The following REV3L variants were observed in gnomAD, a reference collection of about 807,000 sequenced individuals.
REV3L encodes the protein REV3 like, DNA directed polymerase zeta catalytic subunit.
In REV3L, 69 loss-of-function variants were observed where a neutral mutation model predicts 299.4. That is an observed-to-expected ratio of 0.23 (90% CI 0.19 to 0.28). The LOEUF is 0.28. REV3L is among the 10% of genes least tolerant of loss of function. The probability of loss-of-function intolerance (pLI) is 1.00; values close to 1 mark genes in which losing one functional copy is unlikely to be tolerated. For synonymous variants in REV3L, 1,238 were observed against 1,271.4 expected (o/e 0.97, Z 0.56); for missense variants, 3,128 against 3,693.8 (o/e 0.85, Z 3.97).
At chr6:111,324,736 C>T (rs965497329) in intron 25 of REV3L, among the ~76,000 whole-genome samples, 11 of 152,152 alleles carry the variant, frequency 7.2e-5, no homozygotes, top group African/African-American at 2.7e-4. Flanking sequence ...ATTAAATTAA[C>T]AGATTCTGCT....
At chr6:111,377,554 C>T in intron 12 of REV3L, 147 bp downstream of exon 12, 2 of 793,716 alleles carry the variant, frequency 2.5e-6, no homozygotes, top group Non-Finnish European at 3.9e-6. Context: ...CTAGGCTGGT[C>T]TCGAACTCCT....
intron 1 of REV3L, among the ~76,000 whole-genome samples, chr6:111,467,498 A>C (rs2128333494): frequency 6.6e-6 from 1 of 152,352 alleles, no homozygotes; most frequent in East Asian, 1.9e-4. Flanking sequence ...AACAGATTGA[A>C]AATTATATAG....
chr6:111,381,012 T>C (rs1037470139), intron 10 of REV3L, among the ~76,000 whole-genome samples: 6 of 152,260 alleles, frequency 3.9e-5, no homozygotes, highest in African/African-American at 7.2e-5. Flanking sequence ...CCACTTATGG[T>C]GTTTTAGTAA....
chr6:111,337,666 G>T lies in REV3L; in HGVS notation c.7539-2056C>A, dbSNP rs550265276. Among the ~76,000 whole-genome samples the T allele has an allele frequency of 5.9e-5, 9 of 152,262 alleles. No homozygotes were observed. In the South Asian group the frequency reaches 1.9e-3, roughly 32 times the overall value. On this transcript the variant is annotated intron_variant, in intron 21 of 31. Transcript: ENST00000368802. Reference sequence around the variant, plus strand: ...GTTTCCTTGTATATTTGTTAACAATGAAGATTATAGTTTTTAAAATTATTA... The same window carrying T: ...GTTTCCTTGTATATTTGTTAACAATTAAGATTATAGTTTTTAAAATTATTA...
At chr6:111,348,974 T>C (rs1178802548) in intron 20 of REV3L, 1 of 290,032 alleles carries the variant, frequency 3.4e-6, no homozygotes, top group Non-Finnish European at 6.3e-6. Context: ...ATTATAGCTA[T>C]AGACCTTTCT....
At chr6:111,315,566 CTT>C in intron 26 of REV3L, 185 bp from the exon 27 acceptor site, 1 of 573,196 alleles carries the variant, frequency 1.7e-6, no homozygotes, top group Non-Finnish European at 3.1e-6. Context: ...GTACTTATAT[CTT>C]GTTACAAATC....
At chr6:111,411,614 A>T (rs1318540272) in intron 2 of REV3L, 60 bp from the exon 3 acceptor site, 1 of 1,093,536 alleles carries the variant, frequency 9.1e-7, no homozygotes, top group African/African-American at 1.6e-5. Context: ...AAATAATGCA[A>T]CTTATTGCCC....
Position 111,373,664 on chromosome 6 carries a change from G to A in REV3L, c.4691C>T (p.Ser1564Phe), listed in dbSNP as rs1780018273. 3 of 1,614,042 alleles carry A rather than the reference G, an allele frequency of 1.9e-6. No individual in the cohort carries two copies. In the East Asian group the frequency reaches 6.7e-5, roughly 36 times the overall value. The change falls in exon 13 of 32, where the codon TCC becomes TTC. Residue 1564 changes from serine to phenylalanine, a missense_variant. Around this residue, in one of 9 missense-constraint regions of REV3L, gnomAD observed 2,409 missense variants for 2,611.8 expected, o/e 0.92. Transcript: ENST00000368802. The stretch of plus-strand genomic sequence containing the variant: ...TTTATTTGCTTTGTTATGCTCAAGG[G>A]AACCAGAAATATTTTTATTTGGTTG... ...KHQPNKNISG[S>F]LEHNKANKRT...
intron 1 of REV3L, among the ~76,000 whole-genome samples, chr6:111,448,143 G>T (rs990425018): frequency 5.3e-5 from 8 of 152,152 alleles, no homozygotes; most frequent in African/African-American, 1.7e-4. Context: ...GAATGGTCAT[G>T]TTGAGTTAAG....
chr6:111,422,655 T>C (rs1261003500), intron 1 of REV3L, among the ~76,000 whole-genome samples: 1 of 35,296 alleles, frequency 2.8e-5, no homozygotes, highest in Admixed American at 3.8e-4. Context: ...TATACATATA[T>C]ATATATACAT....
intron 15 of REV3L, 26 bp from the exon 16 acceptor site, chr6:111,364,004 C>G (rs775370860): frequency 5.1e-6 from 8 of 1,582,716 alleles, no homozygotes; most frequent in East Asian, 2.3e-5. Context: ...CACACACACA[C>G]AGCCAGAAAA....
In REV3L at chr6:111,375,856, A is replaced by G. The variant is rs1264622404; in HGVS notation, c.2499T>C (p.Asn833=). 1.2e-6 allele frequency: 2 copies of G among 1,613,720 alleles called. No homozygotes were observed. Among genetic ancestry groups the G allele is most frequent in the South Asian group, 1.1e-5 (1 of 90,992 alleles). The change falls in exon 13 of 32, where the codon AAT becomes AAC. Residue 833 remains asparagine, a synonymous_variant. Transcript: ENST00000368802. Reference sequence around the variant, plus strand: ...CCTGATGACCTGCAAGTTTCCTTTTATTCAATTTTAACCGGGATGGTTTAT... The same window carrying G: ...CCTGATGACCTGCAAGTTTCCTTTTGTTCAATTTTAACCGGGATGGTTTAT... The part of the protein sequence containing the change: ...PGNKPSRLKL[N]KRKLAGHQET...
chr6:111,342,060 G>A (rs1369684550), intron 21 of REV3L, among the ~76,000 whole-genome samples: 1 of 152,178 alleles, frequency 6.6e-6, no homozygotes, highest in Non-Finnish European at 1.5e-5. Flanking sequence ...AATATGTACA[G>A]ACGACAGAGT....
intron 9 of REV3L, among the ~76,000 whole-genome samples, chr6:111,387,493 C>T (rs1164288044): frequency 1.3e-5 from 2 of 151,952 alleles, no homozygotes; most frequent in African/African-American, 2.4e-5. Context: ...ACATCATTTA[C>T]GTAAAATTTA....
chr6:111,431,967 GA>G, intron 1 of REV3L, among the ~76,000 whole-genome samples: 1 of 152,228 alleles, frequency 6.6e-6, no homozygotes, highest in East Asian at 1.9e-4. Context: ...GAAAAAAAAA[GA>G]GGGTTTTTAA....
chr6:111,389,927 C>G (rs546427295), intron 6 of REV3L, among the ~76,000 whole-genome samples, 159 bp downstream of exon 6: 1 of 151,634 alleles, frequency 6.6e-6, no homozygotes, highest in South Asian at 2.1e-4. Context: ...TTAGTAGAGA[C>G]GGGGTTTCAC....
chr6:111,332,118 C>CT (rs984944553), intron 23 of REV3L, among the ~76,000 whole-genome samples: 88 of 152,302 alleles, frequency 5.8e-4, no homozygotes, highest in African/African-American at 2.0e-3. Context: ...GTCACCCAGG[C>CT]TGGAGTGCAG....
chr6:111,452,717 T>C (rs1372103501), intron 1 of REV3L, among the ~76,000 whole-genome samples: 2 of 152,186 alleles, frequency 1.3e-5, no homozygotes, highest in African/African-American at 2.4e-5. Context: ...ACCATGACTG[T>C]GGTGATGATG....
intron 1 of REV3L, among the ~76,000 whole-genome samples, chr6:111,446,984 C>A (rs900172990): frequency 9.9e-5 from 15 of 152,110 alleles, no homozygotes; most frequent in Non-Finnish European, 2.1e-4. Flanking sequence ...CATGAAGACA[C>A]AAGAACTACA....
Sources: gnomAD v4.1 joint callset for allele counts (sites outside exome capture counted in the v4.1 genomes callset) on GRCh38, gnomAD v4.1.1 for gene constraint, gnomAD v4.1.1 regional missense constraint, MANE v1.5 for transcripts, NCBI Gene and HGNC (gene_info 2026-07-23, HGNC 2026-07-21) for gene names.